The following OSBPL10 variants were observed in gnomAD, a reference collection of about 807,000 sequenced individuals.
OSBPL10 encodes oxysterol binding protein like 10, also known as oxysterol-binding protein-related protein 10.
A neutral mutation model predicts 81.7 loss-of-function variants in OSBPL10; 49 were observed. That is an observed-to-expected ratio of 0.60 (90% confidence interval 0.48 to 0.76). OSBPL10 has a LOEUF of 0.76. OSBPL10 is among the 30% of genes least tolerant of loss of function. The pLI is 0.00. For missense variants in OSBPL10, 923 were observed against 987.8 expected (o/e 0.93, Z 0.88); for synonymous variants, 419 against 383.6 (o/e 1.09, Z -1.08).
intron 2 of OSBPL10, among the ~76,000 whole-genome samples, chr3:31,986,940 G>T (rs1033481758): frequency 9.2e-5 from 14 of 152,128 alleles, no homozygotes; most frequent in African/African-American, 3.4e-4. Context: ...CCAGAAATTT[G>T]AGGCTGCAGT....
upstream of OSBPL10, among the ~76,000 whole-genome samples, chr3:31,985,842 C>T (rs1164664436): frequency 2.0e-5 from 3 of 152,158 alleles, no homozygotes; most frequent in Non-Finnish European, 1.5e-5. Context: ...CACATAATAA[C>T]TCATTAAATC....
intron 2 of OSBPL10, among the ~76,000 whole-genome samples, chr3:32,010,073 T>A (rs77928242): frequency 0.013 from 1,948 of 152,216 alleles, 38 homozygotes; most frequent in African/African-American, 0.044. Flanking sequence ...CTAACAGGAC[T>A]TGTATTCTCA....
At chr3:31,924,605 C>T (rs4561866) in intron 1 of OSBPL10, among the ~76,000 whole-genome samples, 54,796 of 151,966 alleles carry the variant, frequency 0.36, 11,729 homozygotes, top group Non-Finnish European at 0.49. Context: ...CTATCTTAAT[C>T]GGAGTAAAGA....
chr3:31,969,673 T>G (rs1698496739), intron 1 of OSBPL10: 1 of 152,200 alleles, frequency 6.6e-6, no homozygotes. Flanking sequence ...GCCAACATGG[T>G]GGAAACCTCG....
At chr3:31,700,469 GA>G (rs1484207446) in intron 7 of OSBPL10, 1 of 151,612 alleles carries the variant, frequency 6.6e-6, no homozygotes, top group Admixed American at 6.6e-5. Context: ...TCATGATTCT[GA>G]GTTTTATAAA....
At chr3:31,752,821 G>A (rs1575522056) in intron 4 of OSBPL10, among the ~76,000 whole-genome samples, 1 of 152,152 alleles carries the variant, frequency 6.6e-6, no homozygotes, top group Non-Finnish European at 1.5e-5. Flanking sequence ...AATCCTGATG[G>A]GTCAGGTGTC....
At chr3:31,951,302 A>G (rs1697863145) in intron 1 of OSBPL10, among the ~76,000 whole-genome samples, 1 of 152,200 alleles carries the variant, frequency 6.6e-6, no homozygotes, top group African/African-American at 2.4e-5. Flanking sequence ...AACTATATAC[A>G]ACATCCTTTT....
intron 1 of OSBPL10, among the ~76,000 whole-genome samples, chr3:32,074,270 G>A (rs905882703): frequency 3.9e-5 from 6 of 152,056 alleles, no homozygotes; most frequent in Admixed American, 1.3e-4. Flanking sequence ...ATCTACTTAC[G>A]GCACCTTTCT....
chr3:31,784,506 A>C (rs1698809380), intron 4 of OSBPL10, among the ~76,000 whole-genome samples: 1 of 152,226 alleles, frequency 6.6e-6, no homozygotes, highest in African/African-American at 2.4e-5. Context: ...CACAATCATA[A>C]ATATGCATGT....
intron 2 of OSBPL10, among the ~76,000 whole-genome samples, chr3:32,007,832 G>A (rs999797703): frequency 6.6e-6 from 1 of 151,842 alleles, no homozygotes; most frequent in Non-Finnish European, 1.5e-5. Context: ...TCAGCCTCCC[G>A]AGTAGCTGGG....
chr3:31,722,763 T>C (rs1302188126), intron 6 of OSBPL10, among the ~76,000 whole-genome samples: 1 of 152,112 alleles, frequency 6.6e-6, no homozygotes, highest in Non-Finnish European at 1.5e-5. Flanking sequence ...TATCAAAAAA[T>C]AACCGTCATT....
At chr3:31,983,626 T>C (rs2125512010), upstream of OSBPL10, among the ~76,000 whole-genome samples, 1 of 152,326 alleles carries the variant, frequency 6.6e-6, no homozygotes, top group African/African-American at 2.4e-5. Flanking sequence ...ATGAAGCACA[T>C]GCTGTTCCTC....
At position 31,947,556 on chromosome 3, in the gene OSBPL10, A is replaced by C. The variant is rs550000642; in HGVS notation, c.281+33343T>G. Among the ~76,000 whole-genome samples the C allele has an allele frequency of 2.6e-5, 4 of 151,988 alleles. No individual in the cohort carries two copies. In the South Asian group the frequency reaches 8.3e-4, roughly 32 times the overall value. On this transcript the variant is annotated intron_variant, in intron 1 of 11. Transcript: ENST00000396556. The stretch of plus-strand genomic sequence containing the variant: ...GCCTCTGCATATGCCACCTTCCCCT[A>C]CTCCACAATTCCTGCGACAGCACTG...
At position 31,823,740 on chromosome 3, in the gene OSBPL10, G is replaced by C. The variant is rs908492615; in HGVS notation, c.729+6300C>G. Among the ~76,000 whole-genome samples, 10 of 152,120 alleles carry C rather than the reference G, an allele frequency of 6.6e-5. No homozygotes were observed. The South Asian group carries it at 1.9e-3, about 28-fold the overall frequency. On this transcript the variant is annotated intron_variant, in intron 4 of 11. Coordinates refer to ENST00000396556, the MANE Select transcript of OSBPL10 (RefSeq NM_017784.5). ...TTACCTTGTTTTGTACGAAGTCTTTGGAATCTAGAGTGCGTGTTATATTAC... is the reference window on the plus strand; with the variant it reads ...TTACCTTGTTTTGTACGAAGTCTTTCGAATCTAGAGTGCGTGTTATATTAC...
chr3:31,767,827 G>A (rs896965970), intron 4 of OSBPL10, among the ~76,000 whole-genome samples: 10 of 152,136 alleles, frequency 6.6e-5, no homozygotes, highest in African/African-American at 1.4e-4. Context: ...GTCAGTAGTC[G>A]GGGCTGTCAC....
At chr3:31,920,455 C>T (rs1696879250) in intron 1 of OSBPL10, among the ~76,000 whole-genome samples, 2 of 152,142 alleles carry the variant, frequency 1.3e-5, no homozygotes, top group Admixed American at 6.5e-5. Context: ...AAGTGAGTGG[C>T]ATCTGTAAGA....
At chr3:31,756,376 G>A (rs1039901460) in intron 4 of OSBPL10, among the ~76,000 whole-genome samples, 2 of 152,004 alleles carry the variant, frequency 1.3e-5, no homozygotes, top group African/African-American at 2.4e-5. Flanking sequence ...AGCTTTTTTG[G>A]TTTTGCTTTC....
chr3:32,019,284 TC>T (rs1185261618), intron 2 of OSBPL10, among the ~76,000 whole-genome samples: 1 of 152,076 alleles, frequency 6.6e-6, no homozygotes. Context: ...TCCATTCAAT[TC>T]AAAAAGCATA....
intron 1 of OSBPL10, among the ~76,000 whole-genome samples, chr3:31,933,188 T>C (rs763589072): frequency 2.6e-5 from 4 of 152,128 alleles, no homozygotes; most frequent in Non-Finnish European, 5.9e-5. Context: ...ACTGTTATTG[T>C]CAGGCCATCA....
Sources: allele counts gnomAD v4.1 joint callset (sites outside exome capture counted in the v4.1 genomes callset), GRCh38; gene constraint gnomAD v4.1.1; transcripts MANE v1.5; gene names NCBI Gene and HGNC (gene_info 2026-07-23, HGNC 2026-07-21).